TMEM131L: variants seen among roughly 807,000 people sequenced by gnomAD.
TMEM131L encodes transmembrane 131 like.
In TMEM131L, 54 loss-of-function variants were observed where a neutral mutation model predicts 192.2. That is an observed-to-expected ratio of 0.28 (90% CI 0.23 to 0.35). The LOEUF (loss-of-function observed/expected upper bound fraction) is 0.35, where lower values mean the gene tolerates loss of function less well. TMEM131L is among the 10% of genes least tolerant of loss of function. The probability of loss-of-function intolerance (pLI) is 1.00; values close to 1 mark genes in which losing one functional copy is unlikely to be tolerated. For missense variants in TMEM131L, 1,888 were observed against 1,972.9 expected, an observed-to-expected ratio of 0.96 and a Z score of 0.82; for synonymous variants, 701 against 704.9, an observed-to-expected ratio of 0.99 and a Z score of 0.09.
At chr4:153,635,306 G>C in intron 33 of TMEM131L, 126 bp from the exon 34 acceptor site, 1 of 835,540 alleles carries the variant, frequency 1.2e-6, no homozygotes, top group African/African-American at 1.7e-5. Flanking sequence ...TGGTCCACAC[G>C]GACCAAGTAT....
At chr4:153,479,306 T>C (rs982672614) in intron 3 of TMEM131L, among the ~76,000 whole-genome samples, 2 of 152,238 alleles carry the variant, frequency 1.3e-5, no homozygotes, top group Non-Finnish European at 2.9e-5. Context: ...AAAAGCAATA[T>C]TTGAGAAATG....
chr4:153,577,941 G>T (rs936491884), intron 7 of TMEM131L, among the ~76,000 whole-genome samples: 1 of 152,208 alleles, frequency 6.6e-6, no homozygotes, highest in Non-Finnish European at 1.5e-5. Context: ...GGGAATCGAT[G>T]TGGGAGGGTT....
At chr4:153,582,461 T>C (rs142268509) in intron 9 of TMEM131L, among the ~76,000 whole-genome samples, 1 of 133,714 alleles carries the variant, frequency 7.5e-6, no homozygotes, top group Non-Finnish European at 1.6e-5. Flanking sequence ...TTTTTTTTTG[T>C]AGAGACAGGT....
At chr4:153,525,487 A>G (rs191519068) in intron 3 of TMEM131L, among the ~76,000 whole-genome samples, 107 of 151,894 alleles carry the variant, frequency 7.0e-4, no homozygotes, top group African/African-American at 2.5e-3. Context: ...TTACAGGTGC[A>G]CGCCACCACA....
chr4:153,601,107 CAAA>C (rs397879528), intron 21 of TMEM131L, among the ~76,000 whole-genome samples: 1 of 103,076 alleles, frequency 9.7e-6, no homozygotes, highest in African/African-American at 3.9e-5. Flanking sequence ...AAGACTGTCT[CAAA>C]AAAAAAAAAA....
intron 3 of TMEM131L, among the ~76,000 whole-genome samples, chr4:153,548,913 G>GT (rs1737395935): frequency 6.6e-6 from 1 of 152,128 alleles, no homozygotes; most frequent in Non-Finnish European, 1.5e-5. Flanking sequence ...AACCAGCTTG[G>GT]TTGATGGCTG....
intron 1 of TMEM131L, 82 bp from the exon 2 acceptor site, chr4:153,467,129 G>A: frequency 3.0e-6 from 4 of 1,325,270 alleles, no homozygotes; most frequent in Non-Finnish European, 4.2e-6. Flanking sequence ...GAGGCGGGGG[G>A]CACGGAGGGA....
intron 25 of TMEM131L, among the ~76,000 whole-genome samples, chr4:153,606,978 C>T (rs567973160): frequency 1.3e-5 from 2 of 152,296 alleles, no homozygotes; most frequent in African/African-American, 4.8e-5. Flanking sequence ...TTTATGTTCA[C>T]AGCACTGTCC....
At chr4:153,521,301 G>A (rs1223653432) in intron 3 of TMEM131L, among the ~76,000 whole-genome samples, 2 of 152,152 alleles carry the variant, frequency 1.3e-5, no homozygotes, top group African/African-American at 4.8e-5. Flanking sequence ...ATTGCTCCAG[G>A]GAAAAGTCTG....
At chr4:153,558,108 G>C (rs1728606981) in intron 6 of TMEM131L, 150 bp from the exon 7 acceptor site, 2 of 470,872 alleles carry the variant, frequency 4.2e-6, no homozygotes, top group Non-Finnish European at 7.8e-6. Flanking sequence ...TGTGTTTTTT[G>C]TAGACAAAGA....
chr4:153,566,518 A>AGTGTGTGTGT lies in TMEM131L; in HGVS notation c.660+8175_660+8184dup, dbSNP rs35949558. On this transcript the variant is annotated intron_variant, in intron 7 of 34. Transcript: ENST00000409959. ...AGTTTTGTCTTTGTGTGTGAGTGTG[A>AGTGTGTGTGT]GTGTGTGTGTGTGTGTGTGTGTGTG... 3.2e-4 allele frequency among the ~76,000 whole-genome samples: 46 copies of AGTGTGTGTGT among 145,858 alleles called. No homozygotes were observed. In the East Asian group the frequency reaches 5.3e-3, roughly 17 times the overall value.
chr4:153,538,197 T>C (rs2150308743), intron 3 of TMEM131L, among the ~76,000 whole-genome samples: 1 of 152,332 alleles, frequency 6.6e-6, no homozygotes, highest in Non-Finnish European at 1.5e-5. Context: ...ACTTTGTTCC[T>C]TCCAGGTGGG....
Position 153,603,897 on chromosome 4 carries a change from A to C in TMEM131L, c.2885A>C (p.Gln962Pro), listed in dbSNP as rs1454460991. ...GTGAACACTCCCCAAAGCAGGATCC[A>C]GAATGCTGCAAAGAGGAGCCCAGCC... ...LPVNTPQSRI[Q>P]NAAKRSPATY... The change falls in exon 25 of 35, where the codon CAG becomes CCG. Residue 962 changes from glutamine to proline, a missense_variant. Gln to Pro is a moderately conservative substitution (Grantham distance 76). Transcript: ENST00000409959. 1.2e-6 allele frequency: 2 copies of C among 1,614,070 alleles called. No homozygotes were observed. Among genetic ancestry groups the C allele is most frequent in the African/African-American group, 2.7e-5 (2 of 74,948 alleles).
chr4:153,481,166 TTTCTC>T (rs150223144), intron 3 of TMEM131L, among the ~76,000 whole-genome samples: 2,933 of 152,254 alleles, frequency 0.019, 54 homozygotes, highest in South Asian at 0.069. Flanking sequence ...CCAAAACACT[TTTCTC>T]TTCCCCAGCC....
At chr4:153,556,905 G>C in intron 5 of TMEM131L, 61 bp from the exon 6 acceptor site, 1 of 784,272 alleles carries the variant, frequency 1.3e-6, no homozygotes, top group Non-Finnish European at 2.2e-6. Flanking sequence ...AAGAAAGTCT[G>C]TGAAAGACAG....
intron 31 of TMEM131L, among the ~76,000 whole-genome samples, chr4:153,630,926 A>AT (rs982212878): frequency 1.3e-5 from 2 of 152,162 alleles, no homozygotes; most frequent in Non-Finnish European, 2.9e-5. Flanking sequence ...GCCAAGATCC[A>AT]TTTTCACATT....
At chr4:153,567,413 T>C (rs1729295023) in intron 7 of TMEM131L, among the ~76,000 whole-genome samples, 2 of 152,222 alleles carry the variant, frequency 1.3e-5, no homozygotes, top group Admixed American at 1.3e-4. Flanking sequence ...TGTAACTGTT[T>C]TTTGTTGTTT....
rs150482688 is a variant in TMEM131L, at chr4:153,559,598, C to T, written c.660+1230C>T. ...CTCCTAGAGAGCTAGAACAGCGTAC[C>T]CATTCTCTCATCCCCCTGGCCTGGC... On this transcript the variant is annotated intron_variant, in intron 7 of 34. Coordinates refer to ENST00000409959, the MANE Select transcript of TMEM131L (RefSeq NM_001131007.2). 7.8e-4 allele frequency among the ~76,000 whole-genome samples: 118 copies of T among 152,196 alleles called. 1 individual carries two copies. Among genetic ancestry groups the T allele is most frequent in the African/African-American group, 2.8e-3 (117 of 41,532 alleles).
chr4:153,592,387 AT>A, intron 17 of TMEM131L, 87 bp from the exon 18 acceptor site: 4 of 810,346 alleles, frequency 4.9e-6, no homozygotes, highest in Non-Finnish European at 8.6e-6. Flanking sequence ...ATATTTCCTC[AT>A]GATTAGGTTA....
Sources: allele counts gnomAD v4.1 joint callset (sites outside exome capture counted in the v4.1 genomes callset), GRCh38; gene constraint gnomAD v4.1.1; transcripts MANE v1.5; gene names NCBI Gene and HGNC (gene_info 2026-07-23, HGNC 2026-07-21).